The following SOX5 variants were observed in gnomAD, a reference collection of about 807,000 sequenced individuals.
SOX5 encodes the protein SRY-box transcription factor 5.
In SOX5, 9 loss-of-function variants were observed where a neutral mutation model predicts 92.0. The observed-to-expected ratio is 0.10, with a 90% CI of 0.06 to 0.17. The LOEUF (loss-of-function observed/expected upper bound fraction) is 0.17. Ranked by LOEUF, SOX5 falls within the 10% of genes least tolerant of loss-of-function variation. The pLI, the probability that SOX5 is intolerant of heterozygous loss-of-function variation, is 1.00. For synonymous variants in SOX5, 344 were observed against 336.3 expected (o/e 1.02, Z -0.25); for missense variants, 642 against 944.5 (o/e 0.68, Z 4.20).
intron 1 of SOX5, among the ~76,000 whole-genome samples, chr12:24,405,387 G>A (rs61100112): frequency 0.056 from 8,549 of 152,132 alleles, 791 homozygotes; most frequent in African/African-American, 0.19. Context: ...CACTCATGGC[G>A]TTAGAAAACT....
At chr12:24,472,074 T>C (rs1944876725) in intron 1 of SOX5, among the ~76,000 whole-genome samples, 1 of 152,218 alleles carries the variant, frequency 6.6e-6, no homozygotes, top group African/African-American at 2.4e-5. Flanking sequence ...TAACAACCAT[T>C]TTGTTTAAAA....
chr12:24,213,923 A>AT (rs955554607), intron 3 of SOX5, among the ~76,000 whole-genome samples: 9 of 151,784 alleles, frequency 5.9e-5, no homozygotes, highest in African/African-American at 2.2e-4. Flanking sequence ...AATTACAACC[A>AT]TTTTTTATAG....
In SOX5 at chr12:23,533,879, A is replaced by G. The variant is rs1421408719; in HGVS notation, c.*340T>C. 1.1e-5 allele frequency: 2 copies of G among 186,870 alleles called. No individual in the cohort carries two copies. Among genetic ancestry groups the G allele is most frequent in the African/African-American group, 2.4e-5 (1 of 42,462 alleles). 11.6% of individuals were successfully genotyped at this position (186,870 alleles called of 1,614,324 possible). On this transcript the variant is annotated 3_prime_UTR_variant, in exon 15 of 15. Coordinates refer to ENST00000451604, the MANE Select transcript of SOX5 (RefSeq NM_006940.6). ...GTACCTGAGTGAGAATTTCTAGAAC[A>G]TTGTAGAACAAACAGCCATAAAGTT...
chr12:24,482,663 T>TA (rs1482793504), intron 1 of SOX5, among the ~76,000 whole-genome samples: 1 of 152,238 alleles, frequency 6.6e-6, no homozygotes, highest in Non-Finnish European at 1.5e-5. Context: ...GTTCATTCTA[T>TA]AAAATGTATA....
chr12:23,910,975 C>G (rs1005221294), intron 1 of SOX5, among the ~76,000 whole-genome samples: 1 of 152,120 alleles, frequency 6.6e-6, no homozygotes, highest in African/African-American at 2.4e-5. Context: ...TAACTTGCTT[C>G]ATGTAGTAGC....
At chr12:24,176,799 A>G (rs1040139274) in intron 4 of SOX5, among the ~76,000 whole-genome samples, 1 of 152,110 alleles carries the variant, frequency 6.6e-6, no homozygotes, top group African/African-American at 2.4e-5. Flanking sequence ...TGGATTTCCC[A>G]TATTTTGAAT....
At chr12:23,549,581 C>T (rs1467886309) in intron 11 of SOX5, among the ~76,000 whole-genome samples, 3 of 151,862 alleles carry the variant, frequency 2.0e-5, no homozygotes, top group Non-Finnish European at 2.9e-5. Flanking sequence ...AAGGAATACT[C>T]GCCAGAATTC....
intron 2 of SOX5, among the ~76,000 whole-genome samples, chr12:23,862,260 T>G (rs2096764578): frequency 6.6e-6 from 1 of 152,184 alleles, no homozygotes; most frequent in South Asian, 2.1e-4. Flanking sequence ...AGGGAAAAGC[T>G]GTCAAAAATT....
intron 1 of SOX5, among the ~76,000 whole-genome samples, chr12:24,387,698 C>A (rs1958574147): frequency 6.6e-6 from 1 of 152,118 alleles, no homozygotes; most frequent in Non-Finnish European, 1.5e-5. Context: ...TCATTTTAAA[C>A]TAAAAAGGAA....
intron 3 of SOX5, among the ~76,000 whole-genome samples, chr12:24,251,896 A>G (rs1010125019): frequency 6.6e-6 from 1 of 152,052 alleles, no homozygotes; most frequent in African/African-American, 2.4e-5. Context: ...TAAATTAATA[A>G]GACAGTATAT....
At chr12:23,978,720 C>T (rs1949190799) in intron 4 of SOX5, among the ~76,000 whole-genome samples, 1 of 151,952 alleles carries the variant, frequency 6.6e-6, no homozygotes, top group Non-Finnish European at 1.5e-5. Context: ...TAAATGATGT[C>T]ATTCGTTTGT....
At chr12:24,426,188 AG>A (rs1385345144) in intron 1 of SOX5, among the ~76,000 whole-genome samples, 1 of 152,026 alleles carries the variant, frequency 6.6e-6, no homozygotes, top group Non-Finnish European at 1.5e-5. Context: ...GGATAGAGCA[AG>A]ACTCTTGTCT....
intron 2 of SOX5, among the ~76,000 whole-genome samples, chr12:24,352,286 C>T (rs1954181518): frequency 6.6e-6 from 1 of 152,108 alleles, no homozygotes; most frequent in African/African-American, 2.4e-5. Flanking sequence ...CGAGTTCTCT[C>T]TACTTGACTA....
chr12:24,153,290 G>A (rs1377315503), intron 4 of SOX5, among the ~76,000 whole-genome samples: 1 of 152,068 alleles, frequency 6.6e-6, no homozygotes, highest in Non-Finnish European at 1.5e-5. Flanking sequence ...CTCTGGCAAT[G>A]AGCTACTCAT....
At chr12:23,731,183 C>A (rs1482550135) in intron 6 of SOX5, among the ~76,000 whole-genome samples, 1 of 152,190 alleles carries the variant, frequency 6.6e-6, no homozygotes, top group Non-Finnish European at 1.5e-5. Flanking sequence ...GCTTCTGAGG[C>A]CATTGGCCTT....
chr12:23,738,006 T>C (rs1009230666), intron 5 of SOX5, among the ~76,000 whole-genome samples: 2 of 152,212 alleles, frequency 1.3e-5, no homozygotes, highest in Non-Finnish European at 2.9e-5. Context: ...GGTTTACTTA[T>C]TGTCTATCCT....
At chr12:24,123,716 T>C (rs936228888) in intron 4 of SOX5, among the ~76,000 whole-genome samples, 9 of 152,260 alleles carry the variant, frequency 5.9e-5, no homozygotes, top group African/African-American at 1.9e-4. Flanking sequence ...AGGAGTCGAC[T>C]ATAAATCATT....
intron 2 of SOX5, among the ~76,000 whole-genome samples, chr12:24,292,833 T>C (rs957701272): frequency 6.6e-6 from 1 of 152,208 alleles, no homozygotes; most frequent in Non-Finnish European, 1.5e-5. Flanking sequence ...TCTGGCTTCA[T>C]ATATTTAAAA....
At chr12:23,682,027 A>G (rs2086705791) in intron 6 of SOX5, among the ~76,000 whole-genome samples, 1 of 147,922 alleles carries the variant, frequency 6.8e-6, no homozygotes, top group African/African-American at 2.5e-5. Flanking sequence ...TGATAGCTCA[A>G]AAAAAAAAAA....
Sources: gnomAD v4.1 joint callset for allele counts (sites outside exome capture counted in the v4.1 genomes callset) on GRCh38, gnomAD v4.1.1 for gene constraint, MANE v1.5 for transcripts, NCBI Gene and HGNC (gene_info 2026-07-23, HGNC 2026-07-21) for gene names.